The following SLC39A11 variants were observed in gnomAD, a reference collection of about 807,000 sequenced individuals.
SLC39A11 encodes zinc transporter ZIP11.
SLC39A11 carries 33 observed loss-of-function variants against 36.1 expected under a neutral mutation model. The ratio of observed to expected loss-of-function variants is 0.91; its 90% CI spans 0.69 to 1.22. The LOEUF (loss-of-function observed/expected upper bound fraction) is 1.22. Ranked by LOEUF, SLC39A11 falls within the 50% of genes most tolerant of loss-of-function variation. The pLI, the probability that SLC39A11 is intolerant of heterozygous loss-of-function variation, is 0.00. For synonymous variants in SLC39A11, 166 were observed against 170.3 expected (o/e 0.97, Z 0.20); for missense variants, 432 against 430.3 (o/e 1.00, Z -0.03).
At chr17:73,089,566 G>A (rs1243536493) in intron 1 of SLC39A11, 2 of 152,540 alleles carry the variant, frequency 1.3e-5, no homozygotes, top group East Asian at 3.8e-4. Context: ...TGCAGCTTTG[G>A]TCCTCTCTCA....
chr17:72,984,227 G>T (rs4969044), intron 4 of SLC39A11, among the ~76,000 whole-genome samples: 46,392 of 151,932 alleles, frequency 0.31, 7,704 homozygotes, highest in East Asian at 0.63. Flanking sequence ...CTTGAAAGCT[G>T]CTTGTAGCAT....
At chr17:72,753,044 G>C (rs1035178918) in intron 6 of SLC39A11, among the ~76,000 whole-genome samples, 1 of 151,944 alleles carries the variant, frequency 6.6e-6, no homozygotes, top group African/African-American at 2.4e-5. Flanking sequence ...TTTTTGTAGA[G>C]ACCATGTCTT....
chr17:72,731,071 T>C (rs72843244), intron 7 of SLC39A11, among the ~76,000 whole-genome samples: 6,164 of 152,214 alleles, frequency 0.04, 167 homozygotes, highest in Non-Finnish European at 0.061. Context: ...TTTCTTTACG[T>C]ATTATTTAGG....
chr17:72,802,341 A>C (rs2077114561), intron 6 of SLC39A11, among the ~76,000 whole-genome samples: 1 of 152,092 alleles, frequency 6.6e-6, no homozygotes, highest in Non-Finnish European at 1.5e-5. Context: ...TGTAATCCTA[A>C]CACTTTGGGA....
intron 4 of SLC39A11, among the ~76,000 whole-genome samples, chr17:72,950,825 C>T (rs1598554635): frequency 6.6e-6 from 1 of 151,928 alleles, no homozygotes. Flanking sequence ...TGATTTTTGT[C>T]CCCCCCACCC....
chr17:73,011,966 T>C (rs1222275589), intron 4 of SLC39A11, among the ~76,000 whole-genome samples: 1 of 149,796 alleles, frequency 6.7e-6, no homozygotes, highest in Non-Finnish European at 1.5e-5. Context: ...CTGGCCCTAG[T>C]TGTACATTTT....
At chr17:72,983,865 G>A (rs539758392) in intron 4 of SLC39A11, among the ~76,000 whole-genome samples, 2 of 152,276 alleles carry the variant, frequency 1.3e-5, no homozygotes, top group East Asian at 3.9e-4. Context: ...AGGGAACCCT[G>A]GGATCTGCCC....
At position 72,960,532 on chromosome 17, in the gene SLC39A11, C is replaced by G. The variant is rs932904829; in HGVS notation, c.307-12657G>C. On this transcript the variant is annotated intron_variant, in intron 4 of 9. Transcript: ENST00000255559. The stretch of plus-strand genomic sequence containing the variant: ...TCAGGCTGGATGTGGTGGTTCACGC[C>G]TGTAATCCCAGCACTTTGGGAGGCT... Among the ~76,000 whole-genome samples, 3 of 152,278 alleles carry G rather than the reference C, an allele frequency of 2.0e-5. No homozygotes were observed. The South Asian group carries it at 6.2e-4, about 32-fold the overall frequency.
chr17:73,052,136 G>A (rs997748731), intron 3 of SLC39A11, among the ~76,000 whole-genome samples: 2 of 151,070 alleles, frequency 1.3e-5, no homozygotes, highest in Non-Finnish European at 2.9e-5. Flanking sequence ...AGTGTTAAGT[G>A]CAAGCCCCCC....
In SLC39A11 at chr17:72,902,803, C is replaced by T. The variant is rs547681798; in HGVS notation, c.430+44949G>A. On this transcript the variant is annotated intron_variant, in intron 5 of 9. Coordinates refer to ENST00000255559, the MANE Select transcript of SLC39A11 (RefSeq NM_139177.4). Reference sequence around the variant, plus strand: ...CTCTGGTTTCTTCCAGTGGGTACCCCTCTGCCCAGGAGGAACACTCAGTCC... The same window carrying T: ...CTCTGGTTTCTTCCAGTGGGTACCCTTCTGCCCAGGAGGAACACTCAGTCC... Among the ~76,000 whole-genome samples the T allele has an allele frequency of 1.1e-4, 17 of 152,318 alleles. 1 individual carries two copies. The highest frequency in any genetic ancestry group is 3.4e-3 in the Middle Eastern group (1 of 294).
intron 6 of SLC39A11, among the ~76,000 whole-genome samples, chr17:72,743,610 G>A (rs7215130): frequency 0.011 from 1,639 of 152,214 alleles, 19 homozygotes; most frequent in African/African-American, 0.03. Context: ...ATCTGTTACC[G>A]TGTCTGAAAA....
intron 5 of SLC39A11, among the ~76,000 whole-genome samples, chr17:72,870,594 C>T (rs1598203912): frequency 6.6e-6 from 1 of 152,334 alleles, no homozygotes; most frequent in Non-Finnish European, 1.5e-5. Flanking sequence ...CTCATACAGC[C>T]CCAGATGCTC....
At chr17:73,004,187 G>GA (rs1275433371) in intron 4 of SLC39A11, among the ~76,000 whole-genome samples, 30 of 84,638 alleles carry the variant, frequency 3.5e-4, no homozygotes, top group African/African-American at 1.3e-3. Flanking sequence ...AAGAAAGAAA[G>GA]AAAGAAAGAA....
intron 5 of SLC39A11, among the ~76,000 whole-genome samples, chr17:72,882,250 G>T (rs892967547): frequency 6.6e-6 from 1 of 151,922 alleles, no homozygotes; most frequent in Admixed American, 6.6e-5. Context: ...CAGCCACTCG[G>T]GACGCTGACG....
chr17:72,694,022 T>TC (rs2072167090), intron 7 of SLC39A11, among the ~76,000 whole-genome samples: 1 of 150,820 alleles, frequency 6.6e-6, no homozygotes, highest in Non-Finnish European at 1.5e-5. Flanking sequence ...GGGGACAGAG[T>TC]CCTCTCCTTG....
At chr17:72,890,009 C>T (rs1004554050) in intron 5 of SLC39A11, among the ~76,000 whole-genome samples, 52 of 151,990 alleles carry the variant, frequency 3.4e-4, no homozygotes, top group Admixed American at 1.5e-3. Context: ...CCTGTAATCC[C>T]AGCACTTTGG....
chr17:72,968,636 T>C (rs2087195119), intron 4 of SLC39A11, among the ~76,000 whole-genome samples: 1 of 151,992 alleles, frequency 6.6e-6, no homozygotes, highest in Non-Finnish European at 1.5e-5. Context: ...TTGGGCAGAA[T>C]CCTCCCCGAC....
chr17:72,855,636 C>T lies in SLC39A11; in HGVS notation c.431-5832G>A, dbSNP rs112143526. Among the ~76,000 whole-genome samples, 462 of 152,308 alleles carry T rather than the reference C, an allele frequency of 3.0e-3. 2 individuals carry two copies. Among genetic ancestry groups the T allele is most frequent in the African/African-American group, 0.011 (448 of 41,558 alleles). ...TAGAGGCCGGGTGCGGTGGCTCACG[C>T]CTGTAATCACAGCACTTTGGGAGGC... is the stretch of plus-strand genomic sequence containing the variant. On this transcript the variant is annotated intron_variant, in intron 5 of 9. Transcript: ENST00000255559.
intron 7 of SLC39A11, among the ~76,000 whole-genome samples, chr17:72,656,946 A>C (rs536565475): frequency 8.4e-4 from 128 of 152,172 alleles, no homozygotes; most frequent in African/African-American, 2.9e-3. Flanking sequence ...GAGTTTGACC[A>C]GCCTGGGCAA....
Sources: gnomAD v4.1 joint callset for allele counts (sites outside exome capture counted in the v4.1 genomes callset) on GRCh38, gnomAD v4.1.1 for gene constraint, MANE v1.5 for transcripts, NCBI Gene and HGNC (gene_info 2026-07-23, HGNC 2026-07-21) for gene names.